Variants in ASH2L observed in about 807,000 individuals in gnomAD.
ASH2L encodes the protein ASH2 like, histone lysine methyltransferase complex subunit.
A neutral mutation model predicts 81.1 loss-of-function variants in ASH2L; 30 were observed. That is an observed-to-expected ratio of 0.37 (90% CI 0.28 to 0.50). The LOEUF (loss-of-function observed/expected upper bound fraction) is 0.50. Ranked by LOEUF, ASH2L falls within the 20% of genes least tolerant of loss-of-function variation. The probability of loss-of-function intolerance (pLI) is 0.95; values close to 1 mark genes in which losing one functional copy is unlikely to be tolerated. For missense variants in ASH2L, 559 were observed against 792.1 expected (o/e 0.71, Z 3.53); for synonymous variants, 273 against 279.9 (o/e 0.98, Z 0.24).
chr8:38,108,497 T>C (rs915885651), intron 3 of ASH2L, among the ~76,000 whole-genome samples: 9 of 143,710 alleles, frequency 6.3e-5, no homozygotes, highest in African/African-American at 2.1e-4. Context: ...TCCAGTTAGA[T>C]CCTATCAGTG....
intron 1 of ASH2L, chr8:38,106,164 T>A (rs1002193745): frequency 1.3e-6 from 2 of 1,532,040 alleles, no homozygotes; most frequent in African/African-American, 2.7e-5. Context: ...AAAGGCCGGT[T>A]AGGCTTCCCT....
chr8:38,126,715 G>A (rs1316352785), intron 10 of ASH2L, among the ~76,000 whole-genome samples: 2 of 151,544 alleles, frequency 1.3e-5, no homozygotes, highest in African/African-American at 2.4e-5. Context: ...TTAGCCGGGC[G>A]TGGTGGCGGG....
At chr8:38,109,531 T>C (rs1810595370) in intron 3 of ASH2L, among the ~76,000 whole-genome samples, 2 of 152,240 alleles carry the variant, frequency 1.3e-5, no homozygotes, top group Non-Finnish European at 2.9e-5. Context: ...GTGCTTTTCC[T>C]GTCATCTTGT....
chr8:38,113,326 C>T (rs2130491706), intron 5 of ASH2L, among the ~76,000 whole-genome samples: 1 of 152,186 alleles, frequency 6.6e-6, no homozygotes, highest in Middle Eastern at 3.4e-3. Flanking sequence ...ACCATTGTAG[C>T]CCTATCAGAC....
Position 38,135,709 on chromosome 8 carries a change from C to A in ASH2L, c.1662C>A (p.Tyr554Ter). ...ATGGTGTCAATCAAGGTGTGGCTTA[C>A]AAAGATATTTTTGAGGGGGTTTACT... The part of the protein sequence containing the change: ...YKNGVNQGVA[Y>*]KDIFEGVYFP... Residue 554 changes from tyrosine (Y) to a stop codon, truncating the protein, a stop_gained, in exon 14 of 16, where the codon TAC becomes TAA. Coordinates refer to ENST00000343823, the MANE Select transcript of ASH2L (RefSeq NM_004674.5). LOFTEE classifies it high-confidence loss of function. The A allele has an allele frequency of 1.2e-6, 2 of 1,612,902 alleles. No homozygotes were observed. The highest frequency in any genetic ancestry group is 1.7e-6 in the Non-Finnish European group (2 of 1,179,430).
At chr8:38,127,760 A>G (rs1240854759) in intron 10 of ASH2L, among the ~76,000 whole-genome samples, 1 of 150,816 alleles carries the variant, frequency 6.6e-6, no homozygotes, top group African/African-American at 2.4e-5. Context: ...AAAAAAAAAA[A>G]AGATAAGCCA....
At position 38,119,387 on chromosome 8, in the gene ASH2L, C is replaced by T. The variant is rs764880576; in HGVS notation, c.947+24C>T. ...AGGTGGGGAGAGTGCCCACCCTGCC[C>T]CCCTCACTATTTAAGTATTATTTGG... On this transcript the variant is annotated intron_variant, in intron 9 of 15. Coordinates refer to ENST00000343823, the MANE Select transcript of ASH2L (RefSeq NM_004674.5). 73 of 1,485,444 alleles carry T rather than the reference C, an allele frequency of 4.9e-5. No homozygotes were observed. In the Middle Eastern group the frequency reaches 7.3e-4, roughly 15 times the overall value. 92.0% of individuals were successfully genotyped at this position (1,485,444 alleles called of 1,614,324 possible).
chr8:38,135,633 A>G (rs1444656788), intron 13 of ASH2L, 35 bp from the exon 14 acceptor site: 2 of 1,469,622 alleles, frequency 1.4e-6, no homozygotes, highest in Non-Finnish European at 9.4e-7. Flanking sequence ...GTTCTTTTTT[A>G]CAGTTCTGAA....
At chr8:38,108,781 T>C (rs1036569371) in intron 3 of ASH2L, among the ~76,000 whole-genome samples, 21 of 146,330 alleles carry the variant, frequency 1.4e-4, no homozygotes, top group African/African-American at 5.4e-4. Flanking sequence ...ACAGTGAGAC[T>C]CCGTCTCAAA....
intron 13 of ASH2L, among the ~76,000 whole-genome samples, chr8:38,134,762 A>C (rs1002345422): frequency 9.2e-5 from 14 of 152,346 alleles, no homozygotes; most frequent in African/African-American, 3.1e-4. Flanking sequence ...TAGGAAAGAA[A>C]TACTAAAGAG....
At chr8:38,122,009 T>C (rs1801650070) in intron 10 of ASH2L, among the ~76,000 whole-genome samples, 1 of 152,272 alleles carries the variant, frequency 6.6e-6, no homozygotes, top group African/African-American at 2.4e-5. Flanking sequence ...CAGTGGATAT[T>C]GTCTGCAACA....
chr8:38,134,925 C>CT (rs975898824), intron 13 of ASH2L, among the ~76,000 whole-genome samples: 1 of 151,994 alleles, frequency 6.6e-6, no homozygotes, highest in African/African-American at 2.4e-5. Flanking sequence ...AGAGATGTGA[C>CT]ATAAGAGTCT....
chr8:38,121,256 T>G, intron 10 of ASH2L, 107 bp downstream of exon 10: 3 of 917,084 alleles, frequency 3.3e-6, no homozygotes, highest in Non-Finnish European at 5.1e-6. Flanking sequence ...TGCCACTGCC[T>G]CACCCCCATC....
At chr8:38,130,274 G>A (rs1376819577) in intron 12 of ASH2L, among the ~76,000 whole-genome samples, 1 of 129,534 alleles carries the variant, frequency 7.7e-6, no homozygotes, top group Non-Finnish European at 1.7e-5. Context: ...GTAGAAACAG[G>A]TTTGGTATTT....
At chr8:38,133,131 A>AT (rs1463644262) in intron 12 of ASH2L, among the ~76,000 whole-genome samples, 1 of 151,936 alleles carries the variant, frequency 6.6e-6, no homozygotes. Flanking sequence ...AATAAACGTC[A>AT]TTTTTTTCAG....
intron 8 of ASH2L, among the ~76,000 whole-genome samples, chr8:38,118,075 A>C (rs1326554275): frequency 6.6e-6 from 1 of 152,220 alleles, no homozygotes; most frequent in Non-Finnish European, 1.5e-5. Flanking sequence ...ACAAAAATTT[A>C]ATTGTTTTTT....
intron 14 of ASH2L, among the ~76,000 whole-genome samples, chr8:38,137,215 A>G (rs980378285): frequency 3.9e-5 from 6 of 152,078 alleles, no homozygotes; most frequent in African/African-American, 9.6e-5. Flanking sequence ...ATCCTGGCCA[A>G]CGTGGTGAAA....
intron 14 of ASH2L, among the ~76,000 whole-genome samples, chr8:38,136,317 A>T (rs966385817): frequency 3.3e-5 from 5 of 150,280 alleles, no homozygotes; most frequent in African/African-American, 9.8e-5. Context: ...CAGTTCTCCC[A>T]GCTCAGCCTC....
intron 9 of ASH2L, among the ~76,000 whole-genome samples, chr8:38,120,096 G>T (rs2130517500): frequency 6.6e-6 from 1 of 152,356 alleles, no homozygotes; most frequent in African/African-American, 2.4e-5. Context: ...TCGCACTCCA[G>T]CCTGGGCCAC....
Sources: allele counts gnomAD v4.1 joint callset (sites outside exome capture counted in the v4.1 genomes callset), GRCh38; gene constraint gnomAD v4.1.1; transcripts MANE v1.5; gene names NCBI Gene and HGNC (gene_info 2026-07-23, HGNC 2026-07-21).